The following ASB15 variants were observed in gnomAD, a reference collection of about 807,000 sequenced individuals.
ASB15 encodes the protein ankyrin repeat and SOCS box containing 15, also known as ankyrin repeat and SOCS box protein 15.
Under a neutral mutation model 58.0 loss-of-function variants are expected in ASB15, and 54 were observed. The ratio of observed to expected loss-of-function variants is 0.93; its 90% CI spans 0.75 to 1.17. The LOEUF is 1.17. Ranked by LOEUF, ASB15 falls within the 50% of genes most tolerant of loss-of-function variation. The probability of loss-of-function intolerance (pLI) is 0.00; values close to 1 mark genes in which losing one functional copy is unlikely to be tolerated. For missense variants in ASB15, 680 were observed against 707.4 expected (o/e 0.96, Z 0.44); for synonymous variants, 249 against 262.4 (o/e 0.95, Z 0.50).
rs1228098096 is a variant in ASB15 at position 123,629,125 on chromosome 7, C to T, written c.1131C>T (p.Asn377=). The change falls in exon 10 of 12, where the codon AAC becomes AAT. Residue 377 remains asparagine (N), a synonymous_variant. Coordinates refer to ENST00000451215, the MANE Select transcript of ASB15 (RefSeq NM_001290258.2). ...EVLLAAGADP[N]LDPLNCLLVA... is the part of the protein sequence containing the mutation. Reference sequence around the variant, plus strand: ...TTCTGGCTGCAGGTGCAGACCCAAACTTAGATCCCCTCAACTGTCTACTTG... The same window carrying T: ...TTCTGGCTGCAGGTGCAGACCCAAATTTAGATCCCCTCAACTGTCTACTTG... The T allele has an allele frequency of 6.2e-7, 1 of 1,614,098 alleles. No homozygotes were observed. Among genetic ancestry groups the T allele is most frequent in the Non-Finnish European group, 8.5e-7 (1 of 1,179,968 alleles).
intron 1 of ASB15, among the ~76,000 whole-genome samples, chr7:123,587,304 C>G (rs1799401885): frequency 6.6e-6 from 1 of 151,414 alleles, no homozygotes; most frequent in Non-Finnish European, 1.5e-5. Context: ...ATTTTTGTAG[C>G]TATTGTATAT....
intron 11 of ASB15, among the ~76,000 whole-genome samples, chr7:123,635,432 A>G (rs972393198): frequency 2.0e-5 from 3 of 152,184 alleles, no homozygotes; most frequent in East Asian, 3.8e-4. Context: ...TGAGGCTTAG[A>G]TAAGTTAATT....
intron 3 of ASB15, among the ~76,000 whole-genome samples, chr7:123,609,802 C>T (rs1237827430): frequency 6.6e-6 from 1 of 152,174 alleles, no homozygotes; most frequent in Admixed American, 6.5e-5. Flanking sequence ...AAGGCATTAG[C>T]TCTGATCATG....
At chr7:123,581,042 T>C (rs1799220071) in intron 1 of ASB15, among the ~76,000 whole-genome samples, 1 of 151,966 alleles carries the variant, frequency 6.6e-6, no homozygotes, top group East Asian at 1.9e-4. Context: ...CTGGCTTTCT[T>C]CAGCTTGTTG....
chr7:123,571,829 A>C (rs1339940973), intron 1 of ASB15, among the ~76,000 whole-genome samples: 1 of 152,130 alleles, frequency 6.6e-6, no homozygotes, highest in Non-Finnish European at 1.5e-5. Context: ...CAGTGGCATG[A>C]TCATGACTCA....
At chr7:123,617,247 T>G (rs1453264746) in intron 6 of ASB15, among the ~76,000 whole-genome samples, 2 of 151,866 alleles carry the variant, frequency 1.3e-5, no homozygotes, top group African/African-American at 4.9e-5. Context: ...AGATTTCATT[T>G]CACAAAAAAA....
At chr7:123,596,318 T>C (rs1007080676) in intron 1 of ASB15, 1 of 152,056 alleles carries the variant, frequency 6.6e-6, no homozygotes, top group African/African-American at 2.4e-5. Context: ...TGGATTTACA[T>C]TGAAATATTT....
chr7:123,633,933 C>G (rs1386410422), intron 11 of ASB15, among the ~76,000 whole-genome samples: 1 of 152,180 alleles, frequency 6.6e-6, no homozygotes, highest in East Asian at 1.9e-4. Flanking sequence ...GAGGCTCCAA[C>G]TGGCCAAAGA....
chr7:123,572,245 G>A (rs1214127546), intron 1 of ASB15, among the ~76,000 whole-genome samples: 3 of 140,186 alleles, frequency 2.1e-5, no homozygotes, highest in Admixed American at 7.8e-5. Context: ...GGGTTCAAGC[G>A]ATTCTCTTGC....
intron 1 of ASB15, among the ~76,000 whole-genome samples, chr7:123,590,701 G>A (rs1281003055): frequency 6.6e-6 from 1 of 151,552 alleles, no homozygotes; most frequent in Non-Finnish European, 1.5e-5. Flanking sequence ...GGTTACTGTA[G>A]CCTCATAGTA....
In ASB15 at chr7:123,624,600, G is replaced by T; in HGVS notation, c.483G>T (p.Ser161=). Reference sequence around the variant, plus strand: ...AAAAGGGCTCCTATGACATGGTGTCGACTCTGATCAAACATAACACTAGCC... The same window carrying T: ...AAAAGGGCTCCTATGACATGGTGTCTACTCTGATCAAACATAACACTAGCC... The part of the protein sequence containing the change: ...AVKKGSYDMV[S]TLIKHNTSLD... The change falls in exon 8 of 12, where the codon TCG becomes TCT. Residue 161 remains serine (S), a synonymous_variant. Coordinates refer to ENST00000451215, the MANE Select transcript of ASB15 (RefSeq NM_001290258.2). 1 of 1,613,344 alleles carries T rather than the reference G, an allele frequency of 6.2e-7. No individual in the cohort carries two copies. Among genetic ancestry groups the T allele is most frequent in the South Asian group, 1.1e-5 (1 of 91,034 alleles).
At chr7:123,631,871 G>A (rs561994885) in intron 11 of ASB15, among the ~76,000 whole-genome samples, 1 of 152,120 alleles carries the variant, frequency 6.6e-6, no homozygotes, top group Admixed American at 6.5e-5. Flanking sequence ...GAGGTCAGGA[G>A]ATCGAGACCA....
chr7:123,623,930 GAAAAGAAAGAAAGAAA>G (rs200187104), intron 7 of ASB15, among the ~76,000 whole-genome samples: 789 of 35,394 alleles, frequency 0.022, 12 homozygotes, highest in African/African-American at 0.046. Context: ...AAGAAAGAAA[GAAAAGAAAGAAAGAAA>G]GAAAGAAAGA....
intron 1 of ASB15, among the ~76,000 whole-genome samples, chr7:123,577,274 T>C (rs191936282): frequency 2.6e-5 from 4 of 152,292 alleles, no homozygotes; most frequent in Admixed American, 2.6e-4. Flanking sequence ...AAAATAATAA[T>C]TGTGCTATGT....
chr7:123,575,143 TAAG>T lies in ASB15; in HGVS notation c.-443+8059_-443+8061del, dbSNP rs1562907432. Among the ~76,000 whole-genome samples, 3 of 152,140 alleles carry T rather than the reference TAAG, an allele frequency of 2.0e-5. No individual in the cohort carries two copies. In the South Asian group the frequency reaches 6.2e-4, roughly 32 times the overall value. On this transcript the variant is annotated intron_variant, in intron 1 of 13. Coordinates refer to the ASB15 transcript ENST00000451558. ...ATTTTTGGATAATTTTTCAGATATT[TAAG>T]AAGGTTTGTATTTTTAATTTAAGGA...
Position 123,637,878 on chromosome 7 carries a change from T to TAAAAAAAAAAAAAGAAAAAAAAAA in ASB15, c.*910_*911insGAAAAAAAAAAAAAAAAAAAAAAA. 1.9e-5 allele frequency: 1 copy of TAAAAAAAAAAAAAGAAAAAAAAAA among 52,468 alleles called. No individual in the cohort carries two copies. The highest frequency in any genetic ancestry group is 3.7e-5 in the Non-Finnish European group (1 of 26,694). 3.3% of individuals were successfully genotyped at this position (52,468 alleles called of 1,614,324 possible). ...AAATTCAACATGTCCCCAGATGAAC[T>TAAAAAAAAAAAAAGAAAAAAAAAA]AAAAAAAAAAAAAAAAAAAAAACCT... On this transcript the variant is annotated 3_prime_UTR_variant, in exon 12 of 12. Transcript: ENST00000451215.
intron 3 of ASB15, 53 bp from the exon 4 acceptor site, chr7:123,614,448 T>C: frequency 8.8e-7 from 1 of 1,130,132 alleles, no homozygotes. Flanking sequence ...CTATGTACTG[T>C]TTTGGGCCAT....
Position 123,611,773 on chromosome 7 carries a change from C to T in ASB15, c.-2-2728C>T, listed in dbSNP as rs181605115. ...TCTTTAAGTCCATTCCAGTAATGCT[C>T]CTTTGACTGACTGTCTGGCACCTTA... is the stretch of plus-strand genomic sequence containing the variant. On this transcript the variant is annotated intron_variant, in intron 3 of 11. Coordinates refer to ENST00000451215, the MANE Select transcript of ASB15 (RefSeq NM_001290258.2). 5.7e-4 allele frequency among the ~76,000 whole-genome samples: 86 copies of T among 151,970 alleles called. 1 individual carries two copies. The highest frequency in any genetic ancestry group is 3.4e-3 in the Middle Eastern group (1 of 294).
chr7:123,599,507 T>G (rs1458097098), upstream of ASB15, among the ~76,000 whole-genome samples: 2 of 152,204 alleles, frequency 1.3e-5, no homozygotes, highest in Non-Finnish European at 2.9e-5. Context: ...ACACTCTTTT[T>G]CAGGAAGAAA....
Sources: allele counts gnomAD v4.1 joint callset (sites outside exome capture counted in the v4.1 genomes callset), GRCh38; gene constraint gnomAD v4.1.1; transcripts MANE v1.5; gene names NCBI Gene and HGNC (gene_info 2026-07-23, HGNC 2026-07-21).